The following ZNF559 variants were observed in gnomAD, a reference collection of about 807,000 sequenced individuals.
ZNF559 encodes putative protein product of Nbla00121.
Under a neutral mutation model 14.2 loss-of-function variants are expected in ZNF559, and 17 were observed. The ratio of observed to expected loss-of-function variants is 1.20; its 90% CI spans 0.82 to 1.80. ZNF559 has a LOEUF of 1.80. ZNF559 is among the 40% of genes most tolerant of loss of function. ZNF559 has a pLI of 0.00. For synonymous variants in ZNF559, 244 were observed against 212.4 expected (o/e 1.15, Z -1.29); for missense variants, 740 against 629.7 (o/e 1.18, Z -1.88).
rs2067698398 is a variant in ZNF559, at chr19:9,344,967, A to G, written c.*1899A>G. The G allele has an allele frequency of 1.3e-5, 2 of 152,232 alleles. No individual in the cohort carries two copies. The highest frequency in any genetic ancestry group is 4.1e-4 in the South Asian group (2 of 4,832). 9.4% of individuals were successfully genotyped at this position (152,232 alleles called of 1,614,324 possible). ...ATCAAGATAATGAACATACCTATCA[A>G]ACCAGATGGTTTCCTCATGCCCTTT... On this transcript the variant is annotated 3_prime_UTR_variant, in exon 7 of 7. Transcript: ENST00000603380.
At chr19:9,335,586 C>T (rs772416661) in intron 2 of ZNF559, among the ~76,000 whole-genome samples, 71 of 152,326 alleles carry the variant, frequency 4.7e-4, no homozygotes, top group African/African-American at 1.7e-3. Flanking sequence ...CTGGCTCTAT[C>T]GCCCAGACTG....
chr19:9,327,330 C>T (rs1000908640), intron 2 of ZNF559, among the ~76,000 whole-genome samples: 1 of 152,178 alleles, frequency 6.6e-6, no homozygotes, highest in Non-Finnish European at 1.5e-5. Flanking sequence ...TCACTGCAAC[C>T]TCCGCCTCCC....
chr19:9,342,125 C>G lies in ZNF559; in HGVS notation c.674C>G (p.Ser225Cys), dbSNP rs1389803310. ...GAGTATGTCGAAACCTTTTCTCATT[C>G]TACAGCCCTTTTTGTACACATGCAA... ...HKEYVETFSH[S>C]TALFVHMQTQ... Residue 225 changes from serine (S) to cysteine (C), a missense_variant, in exon 7 of 7, where the codon TCT becomes TGT. Coordinates refer to ENST00000603380, the MANE Select transcript of ZNF559 (RefSeq NM_032497.3). The G allele has an allele frequency of 6.2e-6, 10 of 1,613,480 alleles. No homozygotes were observed. The East Asian group carries it at 1.8e-4, about 29-fold the overall frequency.
In ZNF559 at chr19:9,344,643, T is replaced by A. The variant is rs2067691322; in HGVS notation, c.*1575T>A. ...TAGCCTGGGCAACAGGATGAGACCC[T>A]GTCTCAAAAAAAAAAGAAAATTGAC... is the stretch of plus-strand genomic sequence containing the variant. On this transcript the variant is annotated 3_prime_UTR_variant, in exon 7 of 7. Transcript: ENST00000603380. 9.1e-6 allele frequency: 1 copy of A among 109,830 alleles called. No homozygotes were observed. The highest frequency in any genetic ancestry group is 3.5e-5 in the African/African-American group (1 of 28,438). 6.8% of individuals were successfully genotyped at this position (109,830 alleles called of 1,614,324 possible). A position where few individuals can be genotyped will look rare whatever the true frequency, so the allele number is the denominator to read the frequency against.
intron 2 of ZNF559, among the ~76,000 whole-genome samples, chr19:9,328,542 G>T (rs1045930868): frequency 2.6e-5 from 4 of 151,398 alleles, no homozygotes; most frequent in African/African-American, 4.9e-5. Context: ...TAGTAGAGAC[G>T]AGCTTTCATC....
At chr19:9,331,160 C>G (rs1462742341) in intron 2 of ZNF559, among the ~76,000 whole-genome samples, 10 of 152,202 alleles carry the variant, frequency 6.6e-5, no homozygotes, top group Admixed American at 6.5e-4. Flanking sequence ...TAGTATGAGG[C>G]AAGATGGCTA....
chr19:9,328,881 T>C (rs1445745040), intron 2 of ZNF559, among the ~76,000 whole-genome samples: 2 of 152,224 alleles, frequency 1.3e-5, no homozygotes, highest in Non-Finnish European at 2.9e-5. Flanking sequence ...GTCAAAATAT[T>C]ACATAAGCCC....
intron 3 of ZNF559, 102 bp from the exon 4 acceptor site, chr19:9,338,392 G>A (rs2067357889): frequency 3.8e-6 from 3 of 790,464 alleles, no homozygotes; most frequent in South Asian, 1.7e-5. Context: ...TTATTATAAC[G>A]TGTGTGTGTC....
chr19:9,332,262 T>C (rs2145119765), intron 2 of ZNF559, among the ~76,000 whole-genome samples: 1 of 152,302 alleles, frequency 6.6e-6, no homozygotes, highest in East Asian at 1.9e-4. Context: ...TAAATTAATT[T>C]ACATTTGAAT....
chr19:9,341,719 C>T lies in ZNF559; in HGVS notation c.268C>T (p.Leu90=), dbSNP rs767853051. ...GGAGAGAAACCATTTTGGAGAGGAA[C>T]TGTTTGACTTTAACCAATGTGAAAA... is the stretch of plus-strand genomic sequence containing the variant. ...EMERNHFGEE[L]FDFNQCEKAL... The change falls in exon 7 of 7, where the codon CTG becomes TTG. Residue 90 remains leucine, a synonymous_variant. Transcript: ENST00000603380. 1 of 1,597,524 alleles carries T rather than the reference C, an allele frequency of 6.3e-7. No homozygotes were observed. Among genetic ancestry groups the T allele is most frequent in the Non-Finnish European group, 8.5e-7 (1 of 1,174,776 alleles).
chr19:9,329,389 A>G (rs2066816064), intron 2 of ZNF559, among the ~76,000 whole-genome samples: 1 of 152,036 alleles, frequency 6.6e-6, no homozygotes, highest in African/African-American at 2.4e-5. Context: ...AGATCCATTA[A>G]TATTTGCTTT....
rs2067694155 is a variant in ZNF559, at chr19:9,344,757, TTA to T, written c.*1691_*1692del. ...GATATTGAACATCACTTTCATATGC[TTA>T]TGAGTCTTTGGTGAAGTGTACATTT... On this transcript the variant is annotated 3_prime_UTR_variant, in exon 7 of 7. Coordinates refer to ENST00000603380, the MANE Select transcript of ZNF559 (RefSeq NM_032497.3). 6.6e-6 allele frequency: 1 copy of T among 152,258 alleles called. No homozygotes were observed. The highest frequency in any genetic ancestry group is 6.5e-5 in the Admixed American group (1 of 15,286). The allele number at this position is 152,258 out of a possible 1,614,324, so 9.4% of individuals were successfully genotyped here. A position where few individuals can be genotyped will look rare whatever the true frequency, so the allele number is the denominator to read the frequency against.
intron 2 of ZNF559, among the ~76,000 whole-genome samples, chr19:9,336,907 A>C (rs2067270721): frequency 6.6e-6 from 1 of 152,180 alleles, no homozygotes; most frequent in South Asian, 2.1e-4. Context: ...TCAGTGATGG[A>C]AGCACTCACA....
At chr19:9,331,642 G>T (rs1203849714) in intron 2 of ZNF559, among the ~76,000 whole-genome samples, 7 of 152,186 alleles carry the variant, frequency 4.6e-5, no homozygotes, top group Admixed American at 4.6e-4. Flanking sequence ...AAGGGCTGAT[G>T]AGGGTAAGTT....
At chr19:9,324,163 G>C (rs769074399), upstream of ZNF559, 1 of 1,536,082 alleles carries the variant, frequency 6.5e-7, no homozygotes, top group Non-Finnish European at 8.7e-7. Flanking sequence ...CGTGCGCGGC[G>C]TGTCTGCGTG....
chr19:9,325,612 G>A (rs910292700), intron 2 of ZNF559, among the ~76,000 whole-genome samples: 4 of 152,058 alleles, frequency 2.6e-5, no homozygotes, highest in African/African-American at 9.7e-5. Context: ...CCAACATAGT[G>A]AAACCCCGTC....
At chr19:9,335,257 C>T (rs1490043582) in intron 2 of ZNF559, among the ~76,000 whole-genome samples, 2 of 151,730 alleles carry the variant, frequency 1.3e-5, no homozygotes, top group Non-Finnish European at 2.9e-5. Context: ...TCCAACATTG[C>T]GAGGAACCCC....
intron 2 of ZNF559, among the ~76,000 whole-genome samples, chr19:9,328,951 C>G (rs1382595798): frequency 6.6e-6 from 1 of 152,154 alleles, no homozygotes; most frequent in East Asian, 1.9e-4. Context: ...GAATTTCAAA[C>G]AGCAAATTTC....
chr19:9,324,312 G>T, intron 1 of ZNF559, 84 bp downstream of exon 1: 1 of 1,535,504 alleles, frequency 6.5e-7, no homozygotes, highest in East Asian at 2.4e-5. Flanking sequence ...GAGGTGCCCA[G>T]TGAAATGGAG....
Sources: allele counts gnomAD v4.1 joint callset (sites outside exome capture counted in the v4.1 genomes callset), GRCh38; gene constraint gnomAD v4.1.1; transcripts MANE v1.5; gene names NCBI Gene and HGNC (gene_info 2026-07-23, HGNC 2026-07-21).